The following GPATCH2 variants were observed in gnomAD, a reference collection of about 807,000 sequenced individuals.
GPATCH2 encodes the protein G-patch domain containing 2.
GPATCH2 carries 51 observed loss-of-function variants against 58.0 expected under a neutral mutation model. That is an observed-to-expected ratio of 0.88 (90% confidence interval 0.70 to 1.11). The LOEUF (loss-of-function observed/expected upper bound fraction) is 1.11, where lower values mean the gene tolerates loss of function less well. Ranked by LOEUF, GPATCH2 falls within the 50% of genes most tolerant of loss-of-function variation. GPATCH2 has a pLI of 0.00. For synonymous variants in GPATCH2, 222 were observed against 218.5 expected (o/e 1.02, Z -0.14); for missense variants, 625 against 652.2 (o/e 0.96, Z 0.45).
chr1:217,447,967 G>A (rs892921739), intron 9 of GPATCH2, among the ~76,000 whole-genome samples: 2 of 151,924 alleles, frequency 1.3e-5, no homozygotes, highest in African/African-American at 4.8e-5. Flanking sequence ...GCATGGTGGT[G>A]GGCGCCCATA....
At chr1:217,578,414 C>T (rs1267970527) in intron 5 of GPATCH2, among the ~76,000 whole-genome samples, 2 of 152,018 alleles carry the variant, frequency 1.3e-5, no homozygotes, top group African/African-American at 4.8e-5. Context: ...CCAGGCCCGA[C>T]TAATTTTTTA....
intron 1 of GPATCH2, among the ~76,000 whole-genome samples, chr1:217,626,286 A>C (rs1669448936): frequency 6.6e-6 from 1 of 152,242 alleles, no homozygotes. Context: ...AAAACACTGT[A>C]CTAACACACA....
chr1:217,430,016 T>C lies in GPATCH2; in HGVS notation c.*1129A>G, dbSNP rs1291343820. The C allele has an allele frequency of 6.6e-6, 1 of 152,112 alleles. No individual in the cohort carries two copies. The highest frequency in any genetic ancestry group is 1.5e-5 in the Non-Finnish European group (1 of 68,008). 9.4% of individuals were successfully genotyped at this position (152,112 alleles called of 1,614,324 possible). A position where few individuals can be genotyped will look rare whatever the true frequency, so the allele number is the denominator to read the frequency against. On this transcript the variant is annotated 3_prime_UTR_variant, in exon 10 of 10. Transcript: ENST00000366935. ...ATAATGAAGATAATAAATAAAGATC[T>C]TCTAAACTAAAAGCAATTTAGAATT...
intron 9 of GPATCH2, among the ~76,000 whole-genome samples, chr1:217,441,357 G>A (rs1344937312): frequency 7.1e-6 from 1 of 141,520 alleles, no homozygotes; most frequent in Non-Finnish European, 1.5e-5. Flanking sequence ...AAATTAAGAT[G>A]GATTAAGAGT....
chr1:217,539,969 T>A (rs145391812), intron 5 of GPATCH2, among the ~76,000 whole-genome samples: 435 of 152,306 alleles, frequency 2.9e-3, no homozygotes, highest in Middle Eastern at 0.017. Flanking sequence ...AACCACTTAG[T>A]TTTGAGTTAA....
intron 6 of GPATCH2, among the ~76,000 whole-genome samples, chr1:217,510,277 G>A (rs1436451188): frequency 1.3e-5 from 2 of 151,796 alleles, no homozygotes; most frequent in Admixed American, 1.3e-4. Flanking sequence ...TTATCAACAT[G>A]TTGATAATTT....
intron 8 of GPATCH2, among the ~76,000 whole-genome samples, chr1:217,486,218 T>A (rs1661447801): frequency 1.3e-5 from 2 of 152,150 alleles, no homozygotes; most frequent in South Asian, 4.1e-4. Flanking sequence ...TGGTTCTTGA[T>A]TATGTGTTCT....
chr1:217,594,304 G>A (rs888361718), intron 5 of GPATCH2, among the ~76,000 whole-genome samples: 2 of 151,936 alleles, frequency 1.3e-5, no homozygotes, highest in Non-Finnish European at 2.9e-5. Context: ...TTTAACATGT[G>A]AGCTTAAAAA....
chr1:217,525,686 A>G (rs1043762648), intron 5 of GPATCH2, among the ~76,000 whole-genome samples: 13 of 152,230 alleles, frequency 8.5e-5, no homozygotes, highest in African/African-American at 3.1e-4. Context: ...AGCTTAATAC[A>G]TGTAAAATTA....
chr1:217,608,563 C>G, intron 5 of GPATCH2: 1 of 985,132 alleles, frequency 1.0e-6, no homozygotes, highest in South Asian at 4.7e-5. Context: ...GGCTACAAAT[C>G]CCAGCTATGC....
At chr1:217,498,278 A>C in intron 7 of GPATCH2, 78 bp downstream of exon 7, 1 of 1,064,972 alleles carries the variant, frequency 9.4e-7, no homozygotes, top group South Asian at 1.2e-5. Flanking sequence ...CATAAAGCTG[A>C]TCTACTCTCC....
chr1:217,566,793 G>T (rs1033031946), intron 5 of GPATCH2, among the ~76,000 whole-genome samples: 1 of 152,074 alleles, frequency 6.6e-6, no homozygotes, highest in Non-Finnish European at 1.5e-5. Context: ...TTACATTTTT[G>T]AATTTAATAC....
At chr1:217,581,157 CACTTGGTGG>C (rs1667064551) in intron 5 of GPATCH2, among the ~76,000 whole-genome samples, 2 of 152,206 alleles carry the variant, frequency 1.3e-5, no homozygotes, top group Admixed American at 1.3e-4. Context: ...CTCCGCTCTA[CACTTGGTGG>C]AAAGGATTTC....
At chr1:217,501,117 A>C (rs1250245924) in intron 6 of GPATCH2, among the ~76,000 whole-genome samples, 3 of 152,094 alleles carry the variant, frequency 2.0e-5, no homozygotes, top group Non-Finnish European at 4.4e-5. Context: ...TCCTACATTG[A>C]ATCCCTGTTA....
At chr1:217,595,518 T>TG (rs1667781150) in intron 5 of GPATCH2, among the ~76,000 whole-genome samples, 1 of 151,926 alleles carries the variant, frequency 6.6e-6, no homozygotes, top group Non-Finnish European at 1.5e-5. Context: ...TTTTTTTTTT[T>TG]GATGGAGTCT....
intron 5 of GPATCH2, chr1:217,608,625 T>G (rs1668475078): frequency 1.0e-6 from 1 of 984,770 alleles, no homozygotes; most frequent in Admixed American, 6.2e-5. Flanking sequence ...AACCAAGAAC[T>G]AGATAGCATT....
At chr1:217,505,293 C>T (rs1662495888) in intron 6 of GPATCH2, among the ~76,000 whole-genome samples, 1 of 152,136 alleles carries the variant, frequency 6.6e-6, no homozygotes, top group African/African-American at 2.4e-5. Context: ...ATAGTTATCA[C>T]CTATTGAGCC....
At chr1:217,607,672 C>G (rs569185319) in intron 5 of GPATCH2, among the ~76,000 whole-genome samples, 1 of 152,238 alleles carries the variant, frequency 6.6e-6, no homozygotes, top group Admixed American at 6.5e-5. Flanking sequence ...CCTGTCTTTC[C>G]CTTAGGAGCC....
intron 5 of GPATCH2, among the ~76,000 whole-genome samples, chr1:217,570,140 T>C (rs565003531): frequency 6.6e-6 from 1 of 152,222 alleles, no homozygotes; most frequent in East Asian, 1.9e-4. Context: ...TGAGACAGTC[T>C]CGCTCATGTT....
Sources: allele counts gnomAD v4.1 joint callset (sites outside exome capture counted in the v4.1 genomes callset), GRCh38; gene constraint gnomAD v4.1.1; transcripts MANE v1.5; gene names NCBI Gene and HGNC (gene_info 2026-07-23, HGNC 2026-07-21).